Variants in PHLPP1 observed in about 807,000 individuals in gnomAD.
PHLPP1 encodes the protein PH domain and leucine rich repeat protein phosphatase 1, also known as PH domain leucine-rich repeat-containing protein phosphatase 1.
PHLPP1 carries 42 observed loss-of-function variants against 117.2 expected under a neutral mutation model. The ratio of observed to expected loss-of-function variants is 0.36; its 90% CI spans 0.28 to 0.46. The LOEUF (loss-of-function observed/expected upper bound fraction) is 0.46. PHLPP1 is among the 20% of genes least tolerant of loss of function. The pLI is 1.00. For synonymous variants in PHLPP1, 1,042 were observed against 970.7 expected, an observed-to-expected ratio of 1.07 and a Z score of -1.37; for missense variants, 2,084 against 2,241.9, an observed-to-expected ratio of 0.93 and a Z score of 1.42.
Position 62,802,171 on chromosome 18 carries a change from A to G in PHLPP1, c.1577-27864A>G, listed in dbSNP as rs956379980. On this transcript the variant is annotated intron_variant, in intron 1 of 16. Transcript: ENST00000262719. ...TCCAGTTGTTGATGGAAGAGAGGCC[A>G]AAGAAAAGAAGAAAGGTTGGCTCAC... 2.0e-5 allele frequency among the ~76,000 whole-genome samples: 3 copies of G among 152,180 alleles called. No homozygotes were observed. In the South Asian group the frequency reaches 6.2e-4, roughly 31 times the overall value.
intron 4 of PHLPP1, among the ~76,000 whole-genome samples, chr18:62,873,415 T>C (rs886622420): frequency 6.6e-6 from 1 of 152,220 alleles, no homozygotes; most frequent in African/African-American, 2.4e-5. Flanking sequence ...AATTGTTTAA[T>C]TCTATGTGTG....
At chr18:62,964,313 A>G (rs547037730) in intron 14 of PHLPP1, among the ~76,000 whole-genome samples, 2 of 152,180 alleles carry the variant, frequency 1.3e-5, no homozygotes, top group Non-Finnish European at 2.9e-5. Context: ...CCCAACCTAG[A>G]CTCATTAAAT....
Position 62,978,342 on chromosome 18 carries a change from C to A in PHLPP1, c.4065C>A (p.Pro1355=), listed in dbSNP as rs1911259587. The change falls in exon 17 of 17, where the codon CCC becomes CCA. Residue 1355 remains proline (P), a synonymous_variant. Transcript: ENST00000262719. This position sits in a 1 kb window ranked among gnomAD's most constrained non-coding sequence, Gnocchi z 7.0. ...TFLHPSVVPR[P]HVQSVLLTPQ... is the part of the protein sequence containing the mutation. ...TCCATCCCAGTGTGGTGCCTCGCCC[C>A]CACGTGCAGTCCGTGCTCCTGACTC... 1 of 1,612,972 alleles carries A rather than the reference C, an allele frequency of 6.2e-7. No individual in the cohort carries two copies. Among genetic ancestry groups the A allele is most frequent in the Non-Finnish European group, 8.5e-7 (1 of 1,179,400 alleles).
At chr18:62,773,532 C>A (rs922466558) in intron 1 of PHLPP1, among the ~76,000 whole-genome samples, 7 of 152,140 alleles carry the variant, frequency 4.6e-5, no homozygotes, top group African/African-American at 7.2e-5. Flanking sequence ...ATTCATACTT[C>A]TTTGCCTCCA....
intron 1 of PHLPP1, among the ~76,000 whole-genome samples, chr18:62,749,174 GGCACATGTTCAGATTTACCCAAAGGCTT>G (rs1568102302): frequency 6.6e-6 from 1 of 150,392 alleles, no homozygotes; most frequent in Non-Finnish European, 1.5e-5. Context: ...TTATTTGGTC[GGCACATGTTCAGATTTACCCAAAGGCTT>G]GCTGGTATTC....
chr18:62,761,290 A>C (rs1803888853), intron 1 of PHLPP1, among the ~76,000 whole-genome samples: 1 of 152,160 alleles, frequency 6.6e-6, no homozygotes, highest in Non-Finnish European at 1.5e-5. Context: ...GTGATAATTA[A>C]ATGGTACTGT....
At position 62,850,987 on chromosome 18, in the gene PHLPP1, A is replaced by G. The variant is rs527734505; in HGVS notation, c.1900-9448A>G. ...GTGTGTGCTCTTATGGCACTGCTGC[A>G]TCCTCTTTAGTGAATTACAGTTATT... On this transcript the variant is annotated intron_variant, in intron 3 of 16. Transcript: ENST00000262719. Among the ~76,000 whole-genome samples the G allele has an allele frequency of 5.9e-5, 9 of 152,332 alleles. No individual in the cohort carries two copies. The East Asian group carries it at 1.5e-3, about 26-fold the overall frequency.
chr18:62,932,813 G>A (rs1242061204), intron 10 of PHLPP1, among the ~76,000 whole-genome samples: 1 of 152,108 alleles, frequency 6.6e-6, no homozygotes, highest in East Asian at 1.9e-4. Flanking sequence ...TAGGAAAAGA[G>A]GAAATCAAAT....
intron 1 of PHLPP1, among the ~76,000 whole-genome samples, chr18:62,761,298 T>G (rs1359237943): frequency 1.4e-4 from 22 of 152,188 alleles, no homozygotes; most frequent in Non-Finnish European, 1.5e-5. Flanking sequence ...TAAATGGTAC[T>G]GTTCTCTAAG....
intron 1 of PHLPP1, among the ~76,000 whole-genome samples, chr18:62,783,214 CTTTCTTTTTTT>C (rs1376302525): frequency 4.5e-4 from 65 of 146,034 alleles, no homozygotes; most frequent in Non-Finnish European, 6.5e-4. Context: ...CCCCACAAGC[CTTTCTTTTTTT>C]TTTCTTTTTT....
chr18:62,861,653 T>A (rs1199579470), intron 4 of PHLPP1, among the ~76,000 whole-genome samples: 2 of 152,268 alleles, frequency 1.3e-5, no homozygotes, highest in African/African-American at 4.8e-5. Flanking sequence ...TGATCAGGAA[T>A]TAAAATGTGA....
At chr18:62,806,569 T>G (rs941638067) in intron 1 of PHLPP1, among the ~76,000 whole-genome samples, 1 of 152,170 alleles carries the variant, frequency 6.6e-6, no homozygotes, top group South Asian at 2.1e-4. Context: ...TTTTGAGAGA[T>G]AGATAAAACT....
intron 1 of PHLPP1, among the ~76,000 whole-genome samples, chr18:62,818,617 C>T (rs1053781334): frequency 1.3e-5 from 2 of 152,092 alleles, no homozygotes; most frequent in South Asian, 4.2e-4. Context: ...AGACCTGTGT[C>T]GTAAGAAATG....
chr18:62,736,256 C>T (rs1330640819), intron 1 of PHLPP1, among the ~76,000 whole-genome samples: 1 of 152,136 alleles, frequency 6.6e-6, no homozygotes, highest in Non-Finnish European at 1.5e-5. Flanking sequence ...GAATCTCAGG[C>T]CCCACCTCAG....
intron 1 of PHLPP1, among the ~76,000 whole-genome samples, chr18:62,739,902 A>C (rs1911472909): frequency 6.6e-6 from 1 of 152,202 alleles, no homozygotes; most frequent in South Asian, 2.1e-4. Flanking sequence ...AAGTAATCAT[A>C]GTGTATACCA....
chr18:62,722,572 A>C (rs1811687726), intron 1 of PHLPP1, among the ~76,000 whole-genome samples: 1 of 152,132 alleles, frequency 6.6e-6, no homozygotes, highest in Non-Finnish European at 1.5e-5. Context: ...GAACACTGGT[A>C]ATGAGGGGTT....
chr18:62,764,179 A>AC (rs1912373497), intron 1 of PHLPP1, among the ~76,000 whole-genome samples: 1 of 151,418 alleles, frequency 6.6e-6, no homozygotes, highest in African/African-American at 2.4e-5. Flanking sequence ...AAAAAAAAAA[A>AC]AAAACAACAA....
chr18:62,864,135 C>T (rs1351257456), intron 4 of PHLPP1, among the ~76,000 whole-genome samples: 4 of 152,092 alleles, frequency 2.6e-5, no homozygotes, highest in Non-Finnish European at 5.9e-5. Context: ...AATTCTCCTG[C>T]CTCAGCCTCC....
chr18:62,978,587 G>C lies in PHLPP1; in HGVS notation c.4310G>C (p.Gly1437Ala). ...TTCTGCTGCTGCGAGCTCAGCGCCG[G>C]TGGGGCTGTGCCACCACCCAGTCCT... ...DSFCCCELSA[G>A]GAVPPPSPGI... Residue 1437 changes from glycine (G) to alanine (A), a missense_variant, in exon 17 of 17, where the codon GGT becomes GCT. By Grantham distance (60) the Gly-to-Ala change is moderately conservative. Coordinates refer to ENST00000262719, the MANE Select transcript of PHLPP1 (RefSeq NM_194449.4). The surrounding 1 kb of genome is among the most constrained non-coding windows in gnomAD (Gnocchi z 7.0). The C allele has an allele frequency of 6.2e-7, 1 of 1,613,630 alleles. No homozygotes were observed. Among genetic ancestry groups the C allele is most frequent in the Non-Finnish European group, 8.5e-7 (1 of 1,179,688 alleles).
Sources: gnomAD v4.1 joint callset for allele counts (sites outside exome capture counted in the v4.1 genomes callset) on GRCh38, gnomAD v4.1.1 for gene constraint, Gnocchi (gnomAD v3.1) non-coding constraint, MANE v1.5 for transcripts, NCBI Gene and HGNC (gene_info 2026-07-23, HGNC 2026-07-21) for gene names.